Variants in AVEN observed in about 807,000 individuals in gnomAD.
AVEN encodes cell death regulator Aven.
Under a neutral mutation model 38.1 loss-of-function variants are expected in AVEN, and 41 were observed. The observed-to-expected ratio is 1.08, with a 90% CI of 0.84 to 1.40. The LOEUF (loss-of-function observed/expected upper bound fraction) is 1.40, where lower values mean the gene tolerates loss of function less well. Among genes scored for constraint, AVEN ranks in the 40% most tolerant of loss-of-function variants. The probability of loss-of-function intolerance (pLI) is 0.00; values close to 1 mark genes in which losing one functional copy is unlikely to be tolerated. For missense variants in AVEN, 605 were observed against 438.8 expected (o/e 1.38, Z -3.38); for synonymous variants, 206 against 171.8 (o/e 1.20, Z -1.56).
At chr15:33,990,740 C>A (rs1316390339) in intron 2 of AVEN, 2 of 152,290 alleles carry the variant, frequency 1.3e-5, no homozygotes, top group East Asian at 3.9e-4. Context: ...CGAAACCTAC[C>A]ACCATCAAAT....
chr15:33,964,978 C>T (rs965097316), intron 2 of AVEN, among the ~76,000 whole-genome samples: 1 of 152,118 alleles, frequency 6.6e-6, no homozygotes, highest in South Asian at 2.1e-4. Flanking sequence ...GGGTTCATAC[C>T]ACAGTTCAAC....
At chr15:33,954,774 C>A (rs1183792142) in intron 2 of AVEN, among the ~76,000 whole-genome samples, 1 of 152,124 alleles carries the variant, frequency 6.6e-6, no homozygotes, top group African/African-American at 2.4e-5. Context: ...GTACGTTGTG[C>A]ACATGTACCC....
At chr15:34,061,562 T>A (rs1900336729) in intron 5 of AVEN, among the ~76,000 whole-genome samples, 2 of 152,230 alleles carry the variant, frequency 1.3e-5, no homozygotes, top group African/African-American at 4.8e-5. Flanking sequence ...TGCCAAAATA[T>A]ACACTAAACT....
downstream of AVEN, chr15:33,854,643 ACAGCACCT>A (rs1597048815): frequency 1.3e-5 from 17 of 1,306,720 alleles, no homozygotes; most frequent in Admixed American, 2.3e-5. Context: ...GGGCCAGCTC[ACAGCACCT>A]CAGCACCTAA....
intron 2 of AVEN, among the ~76,000 whole-genome samples, chr15:33,945,478 T>C (rs895069615): frequency 4.6e-5 from 7 of 152,172 alleles, no homozygotes; most frequent in Non-Finnish European, 7.3e-5. Flanking sequence ...TTTATAGTAC[T>C]CCCCTGCTTA....
At chr15:33,937,400 G>A (rs1374281323) in intron 2 of AVEN, among the ~76,000 whole-genome samples, 2 of 151,694 alleles carry the variant, frequency 1.3e-5, no homozygotes, top group South Asian at 2.1e-4. Flanking sequence ...GGGCGTGGTG[G>A]CAGGCGCCTG....
At chr15:34,025,874 A>C (rs1898446993) in intron 1 of AVEN, among the ~76,000 whole-genome samples, 1 of 152,214 alleles carries the variant, frequency 6.6e-6, no homozygotes, top group African/African-American at 2.4e-5. Flanking sequence ...GCCCGTGTTT[A>C]CACTTACCAC....
At chr15:33,967,876 C>T (rs1193206273) in intron 2 of AVEN, among the ~76,000 whole-genome samples, 2 of 149,428 alleles carry the variant, frequency 1.3e-5, no homozygotes, top group Non-Finnish European at 3.0e-5. Flanking sequence ...ACTTATAATG[C>T]TTTACTCCAA....
rs371204081 is a variant in AVEN, at chr15:33,904,716, T to TACACACACACACACACAC, written c.446-28722_446-28721insGTGTGTGTGTGTGTGTGT. ...AAAAATATATATATATATATATATA[T>TACACACACACACACACAC]ACACACACACACGAATATGCACGCT... On this transcript the variant is annotated intron_variant, in intron 2 of 5. Transcript: ENST00000306730. Among the ~76,000 whole-genome samples, 1,186 of 143,316 alleles carry TACACACACACACACACAC rather than the reference T, an allele frequency of 8.3e-3. 25 individuals carry two copies. Among genetic ancestry groups the TACACACACACACACACAC allele is most frequent in the African/African-American group, 0.03 (1,141 of 37,906 alleles). 94.0% of individuals were successfully genotyped at this position (143,316 alleles called of 152,430 possible).
intron 4 of AVEN, among the ~76,000 whole-genome samples, chr15:33,869,081 C>T (rs1254612401): frequency 1.3e-5 from 2 of 152,118 alleles, no homozygotes; most frequent in South Asian, 4.1e-4. Context: ...ACATGTAAGA[C>T]GGTATGGCTT....
intron 5 of AVEN, among the ~76,000 whole-genome samples, chr15:34,053,467 G>A (rs1284449224): frequency 5.3e-5 from 8 of 151,338 alleles, no homozygotes; most frequent in Non-Finnish European, 7.4e-5. Context: ...CATGGTAATG[G>A]TACAAAAATA....
chr15:34,006,160 A>C (rs1405581375), intron 1 of AVEN, among the ~76,000 whole-genome samples: 1 of 152,084 alleles, frequency 6.6e-6, no homozygotes, highest in East Asian at 1.9e-4. Flanking sequence ...AAATACAAAA[A>C]ATTAACTGGG....
At chr15:34,014,465 A>T (rs921468057) in intron 1 of AVEN, among the ~76,000 whole-genome samples, 1 of 151,982 alleles carries the variant, frequency 6.6e-6, no homozygotes, top group African/African-American at 2.4e-5. Flanking sequence ...CTGATAAAAA[A>T]TACAAAGAGC....
chr15:34,021,128 T>C (rs146282845), intron 1 of AVEN, among the ~76,000 whole-genome samples: 8 of 152,338 alleles, frequency 5.3e-5, no homozygotes, highest in South Asian at 2.1e-4. Context: ...GTCTATAAAA[T>C]GCCTATCTTT....
intron 2 of AVEN, among the ~76,000 whole-genome samples, chr15:33,938,820 CTATT>C (rs1286936234): frequency 6.6e-6 from 1 of 152,100 alleles, no homozygotes; most frequent in Non-Finnish European, 1.5e-5. Context: ...TCAGATACAC[CTATT>C]TCTTTCTTCC....
At chr15:34,052,801 C>G (rs79107304) in intron 5 of AVEN, among the ~76,000 whole-genome samples, 2 of 152,036 alleles carry the variant, frequency 1.3e-5, no homozygotes, top group Admixed American at 1.3e-4. Flanking sequence ...AAGTGAAGGA[C>G]CTCTTCAAGG....
At chr15:33,956,842 G>A (rs745591231) in intron 2 of AVEN, among the ~76,000 whole-genome samples, 11 of 152,116 alleles carry the variant, frequency 7.2e-5, no homozygotes, top group South Asian at 6.2e-4. Flanking sequence ...ATCCTGATAC[G>A]AGGTTTGAAT....
intron 2 of AVEN, among the ~76,000 whole-genome samples, chr15:33,891,457 G>A (rs1234229381): frequency 6.6e-6 from 1 of 152,018 alleles, no homozygotes; most frequent in East Asian, 1.9e-4. Context: ...TCATTGTTCA[G>A]TTCCCACCTG....
chr15:33,863,899 TTC>T (rs1342599809), downstream of AVEN, among the ~76,000 whole-genome samples: 2 of 152,206 alleles, frequency 1.3e-5, no homozygotes, highest in Non-Finnish European at 2.9e-5. Context: ...TCTTACTTAG[TTC>T]AAGGTATAGG....
Sources: gnomAD v4.1 joint callset for allele counts (sites outside exome capture counted in the v4.1 genomes callset) on GRCh38, gnomAD v4.1.1 for gene constraint, MANE v1.5 for transcripts, NCBI Gene and HGNC (gene_info 2026-07-23, HGNC 2026-07-21) for gene names.